Variants in CDKAL1 observed in about 807,000 individuals in gnomAD.
CDKAL1 encodes threonylcarbamoyladenosine tRNA methylthiotransferase.
CDKAL1 carries 32 observed loss-of-function variants against 68.2 expected under a neutral mutation model. The ratio of observed to expected loss-of-function variants is 0.47; its 90% CI spans 0.35 to 0.63. The LOEUF (loss-of-function observed/expected upper bound fraction) is 0.63, where lower values mean the gene tolerates loss of function less well. Ranked by LOEUF, CDKAL1 falls within the 30% of genes least tolerant of loss-of-function variation. The probability of loss-of-function intolerance (pLI) is 0.00; values close to 1 mark genes in which losing one functional copy is unlikely to be tolerated. For synonymous variants in CDKAL1, 234 were observed against 244.3 expected, an observed-to-expected ratio of 0.96 and a Z score of 0.39; for missense variants, 606 against 696.7, an observed-to-expected ratio of 0.87 and a Z score of 1.47.
intron 9 of CDKAL1, among the ~76,000 whole-genome samples, chr6:20,924,103 CAA>C (rs1297444333): frequency 6.6e-6 from 1 of 150,488 alleles, no homozygotes; most frequent in Non-Finnish European, 1.5e-5. Flanking sequence ...GTTGTGAATG[CAA>C]AAGAGGTTAT....
chr6:20,991,439 G>A (rs1766792047), intron 10 of CDKAL1, among the ~76,000 whole-genome samples: 1 of 151,886 alleles, frequency 6.6e-6, no homozygotes, highest in African/African-American at 2.4e-5. Flanking sequence ...TGGGCACGGT[G>A]GCTAATGCCT....
At chr6:20,938,196 C>T (rs915064530) in intron 9 of CDKAL1, among the ~76,000 whole-genome samples, 14 of 152,108 alleles carry the variant, frequency 9.2e-5, no homozygotes, top group African/African-American at 3.1e-4. Context: ...CCAGATTGGC[C>T]ATTGAGAGCT....
At chr6:20,811,822 A>G (rs1217858460) in intron 8 of CDKAL1, among the ~76,000 whole-genome samples, 3 of 151,142 alleles carry the variant, frequency 2.0e-5, no homozygotes, top group African/African-American at 4.9e-5. Context: ...TGTTGGCTCA[A>G]TTAGGGGCAG....
rs180871322 is a variant in CDKAL1, at chr6:21,154,392, A to G, written c.1300-43629A>G. Among the ~76,000 whole-genome samples the G allele has an allele frequency of 1.1e-3, 172 of 152,356 alleles. 2 individuals are homozygous for G. Among genetic ancestry groups the G allele is most frequent in the African/African-American group, 3.9e-3 (162 of 41,590 alleles). ...AAATGGAAAATATTTTATACCCTAA[A>G]CAAATTAACTAATGAGTAACTTACT... On this transcript the variant is annotated intron_variant, in intron 13 of 15. Coordinates refer to ENST00000274695, the MANE Select transcript of CDKAL1 (RefSeq NM_017774.3).
At chr6:21,138,233 G>A (rs1775715903) in intron 13 of CDKAL1, among the ~76,000 whole-genome samples, 3 of 48,612 alleles carry the variant, frequency 6.2e-5, no homozygotes, top group East Asian at 4.7e-3. Context: ...GTGTATGTGT[G>A]TGTCTGTGTG....
intron 9 of CDKAL1, 146 bp downstream of exon 9, chr6:20,846,324 C>A (rs1357163402): frequency 1.7e-6 from 1 of 581,022 alleles, no homozygotes. Context: ...AAAGATGTGA[C>A]CAGAGTTAAT....
chr6:21,200,137 C>A (rs1044317382), intron 14 of CDKAL1, among the ~76,000 whole-genome samples: 2 of 152,180 alleles, frequency 1.3e-5, no homozygotes, highest in Admixed American at 1.3e-4. Context: ...ACTGGCAAGT[C>A]GCTGCAGTGC....
chr6:21,193,950 G>A (rs1294076717), intron 13 of CDKAL1, among the ~76,000 whole-genome samples: 1 of 152,226 alleles, frequency 6.6e-6, no homozygotes, highest in Non-Finnish European at 1.5e-5. Context: ...TTTGGCTCAT[G>A]ATTCTGGAGG....
At chr6:21,204,939 ACTC>A (rs1197813726) in intron 15 of CDKAL1, among the ~76,000 whole-genome samples, 1 of 152,108 alleles carries the variant, frequency 6.6e-6, no homozygotes, top group Non-Finnish European at 1.5e-5. Context: ...TTAAACAATA[ACTC>A]CTCATTTCCC....
Position 20,571,783 on chromosome 6 carries a change from TA to T in CDKAL1, c.286+23084del, listed in dbSNP as rs201695157. Among the ~76,000 whole-genome samples, 771 of 152,096 alleles carry T rather than the reference TA, an allele frequency of 5.1e-3. 6 individuals carry two copies. The highest frequency in any genetic ancestry group is 0.019 in the South Asian group (93 of 4,820). The stretch of plus-strand genomic sequence containing the variant: ...ATTTATCTTTGATGTTGAGTAATTT[TA>T]AAAAATGCATTTGAGCTTCTTGGGA... On this transcript the variant is annotated intron_variant, in intron 4 of 15. Coordinates refer to ENST00000274695, the MANE Select transcript of CDKAL1 (RefSeq NM_017774.3).
intron 4 of CDKAL1, among the ~76,000 whole-genome samples, chr6:20,649,067 T>C (rs911267546): frequency 1.3e-5 from 2 of 152,254 alleles, no homozygotes; most frequent in Non-Finnish European, 2.9e-5. Flanking sequence ...AAGAGAATGC[T>C]TATCATTACA....
At chr6:21,034,610 A>G (rs941088409) in intron 11 of CDKAL1, among the ~76,000 whole-genome samples, 8 of 152,154 alleles carry the variant, frequency 5.3e-5, no homozygotes, top group African/African-American at 1.9e-4. Context: ...ATCTGTACCT[A>G]ATAAAGCTAG....
chr6:21,105,615 G>A (rs529658342), intron 12 of CDKAL1, among the ~76,000 whole-genome samples: 17 of 152,300 alleles, frequency 1.1e-4, no homozygotes, highest in South Asian at 2.1e-4. Context: ...GGGGGTATGC[G>A]GCATTGGGGA....
chr6:20,837,251 A>G (rs1309196114), intron 8 of CDKAL1, among the ~76,000 whole-genome samples: 1 of 152,158 alleles, frequency 6.6e-6, no homozygotes, highest in East Asian at 1.9e-4. Flanking sequence ...TTTAAGTTTT[A>G]TCTGAATTTA....
chr6:20,548,499 C>G, intron 3 of CDKAL1, 94 bp from the exon 4 acceptor site: 2 of 696,654 alleles, frequency 2.9e-6, no homozygotes, highest in South Asian at 1.6e-5. Flanking sequence ...CACAGCTGCA[C>G]TGCAGCCTGG....
chr6:20,812,265 G>A (rs1320472874), intron 8 of CDKAL1, among the ~76,000 whole-genome samples: 3 of 152,024 alleles, frequency 2.0e-5, no homozygotes, highest in African/African-American at 7.2e-5. Flanking sequence ...GTTTGTTTTT[G>A]TTTTAATTTT....
At chr6:20,800,789 A>T (rs1478125571) in intron 8 of CDKAL1, 3 of 152,194 alleles carry the variant, frequency 2.0e-5, no homozygotes, top group African/African-American at 7.2e-5. Flanking sequence ...TGCCTGGCTG[A>T]TATTTTATAG....
At chr6:21,146,437 G>A (rs1383959854) in intron 13 of CDKAL1, among the ~76,000 whole-genome samples, 2 of 152,022 alleles carry the variant, frequency 1.3e-5, no homozygotes, top group East Asian at 1.9e-4. Context: ...AGGTAGGTTC[G>A]GCTCAGAATA....
At chr6:20,773,685 C>G (rs1353845098) in intron 7 of CDKAL1, among the ~76,000 whole-genome samples, 2 of 151,836 alleles carry the variant, frequency 1.3e-5, no homozygotes, top group Non-Finnish European at 2.9e-5. Context: ...GTAGCTGGGA[C>G]TACAGGTGCC....
Sources: gnomAD v4.1 joint callset for allele counts (sites outside exome capture counted in the v4.1 genomes callset) on GRCh38, gnomAD v4.1.1 for gene constraint, MANE v1.5 for transcripts, NCBI Gene and HGNC (gene_info 2026-07-23, HGNC 2026-07-21) for gene names.